The following LIMCH1 variants were observed in gnomAD, a reference collection of about 807,000 sequenced individuals.
LIMCH1 encodes LIM and calponin homology domains-containing protein 1.
A neutral mutation model predicts 176.5 loss-of-function variants in LIMCH1; 113 were observed. The observed-to-expected ratio is 0.64, with a 90% CI of 0.55 to 0.75. LIMCH1 has a LOEUF of 0.75. Ranked by LOEUF, LIMCH1 falls within the 30% of genes least tolerant of loss-of-function variation. The probability of loss-of-function intolerance (pLI) is 0.00; values close to 1 mark genes in which losing one functional copy is unlikely to be tolerated. For synonymous variants in LIMCH1, 619 were observed against 645.9 expected (o/e 0.96, Z 0.63); for missense variants, 1,674 against 1,814.9 (o/e 0.92, Z 1.41).
rs1437585234 is a variant in LIMCH1 at position 41,632,931 on chromosome 4, G to A, written c.1721-46G>A. On this transcript the variant is annotated intron_variant, in intron 11 of 31. Transcript: ENST00000503057. The stretch of plus-strand genomic sequence containing the variant: ...GAGGACAGGTGGGGTCAGAGCCTCT[G>A]GTGTGAATTCTTTCCTAGGAGTGAA... The A allele has an allele frequency of 3.3e-6, 5 of 1,528,576 alleles. No individual in the cohort carries two copies. In the African/African-American group the frequency reaches 6.9e-5, roughly 21 times the overall value. The allele number at this position is 1,528,576 out of a possible 1,614,324, so 94.7% of individuals were successfully genotyped here.
At chr4:41,464,622 C>G (rs200342338) in intron 1 of LIMCH1, among the ~76,000 whole-genome samples, 2 of 151,920 alleles carry the variant, frequency 1.3e-5, no homozygotes, top group African/African-American at 4.8e-5. Context: ...GATCTGCCCC[C>G]CTCAGCCTCC....
At position 41,631,167 on chromosome 4, in the gene LIMCH1, A is replaced by T; in HGVS notation, c.1291A>T (p.Ile431Phe). 2.6e-6 allele frequency: 4 copies of T among 1,534,370 alleles called. No homozygotes were observed. Among genetic ancestry groups the T allele is most frequent in the Non-Finnish European group, 3.5e-6 (4 of 1,146,256 alleles). Residue 431 changes from isoleucine (I) to phenylalanine (F), a missense_variant, in exon 10 of 32, where the codon ATC becomes TTC. Ile to Phe is a conservative substitution (Grantham distance 21). This residue lies in a region of LIMCH1 where 655 missense variants were observed against 692.2 expected (regional missense o/e 0.95). Transcript: ENST00000503057. The stretch of plus-strand genomic sequence containing the variant: ...GACTAGGGATGGAGATGTTCAGCAC[A>T]TCTGTGCTTCTGAGCCTTCCCCAGA... Reference protein sequence around the residue: ...EKARDGDVQHICASEPSPEIK... With the variant: ...EKARDGDVQHFCASEPSPEIK...
At position 41,697,525 on chromosome 4, in the gene LIMCH1, A is replaced by T; in HGVS notation, c.*340A>T. ...TTGGGAATTAGCTAAATGATGCAAT[A>T]AACCTGTTTTGTTTTAGAATGTCTA... On this transcript the variant is annotated 3_prime_UTR_variant, in exon 32 of 32. Transcript: ENST00000503057. The T allele has an allele frequency of 3.6e-6, 1 of 276,690 alleles. No individual in the cohort carries two copies. Among genetic ancestry groups the T allele is most frequent in the East Asian group, 6.3e-5 (1 of 15,940 alleles). The allele number at this position is 276,690 out of a possible 1,614,324, so 17.1% of individuals were successfully genotyped here. A position where few individuals can be genotyped will look rare whatever the true frequency, so the allele number is the denominator to read the frequency against.
At position 41,697,305 on chromosome 4, in the gene LIMCH1, C is replaced by T; in HGVS notation, c.*120C>T. ...GCATTTACCTAATTTCTGAAAGGCT[C>T]TTCTGAAAGGTGGTATCTGTTCTTT... On this transcript the variant is annotated 3_prime_UTR_variant, in exon 32 of 32. Coordinates refer to ENST00000503057, the MANE Select transcript of LIMCH1 (RefSeq NM_001330672.2). 2 of 831,690 alleles carry T rather than the reference C, an allele frequency of 2.4e-6. No individual in the cohort carries two copies. The highest frequency in any genetic ancestry group is 1.6e-5 in the South Asian group (1 of 64,440). 51.5% of individuals were successfully genotyped at this position (831,690 alleles called of 1,614,324 possible).
At chr4:41,663,133 T>TGGTGTGTG in intron 20 of LIMCH1, 149 bp downstream of exon 20, 3 of 571,558 alleles carry the variant, frequency 5.2e-6, no homozygotes, top group African/African-American at 2.8e-5. Flanking sequence ...TTTTTCTTTT[T>TGGTGTGTG]CGTGTGTGTG....
chr4:41,667,401 A>G (rs2094864569), intron 21 of LIMCH1, among the ~76,000 whole-genome samples: 1 of 149,138 alleles, frequency 6.7e-6, no homozygotes, highest in South Asian at 2.1e-4. Flanking sequence ...TCTCATATAT[A>G]TATGAGAAAC....
intron 1 of LIMCH1, among the ~76,000 whole-genome samples, chr4:41,546,992 A>G (rs896806736): frequency 3.3e-5 from 5 of 152,148 alleles, no homozygotes; most frequent in African/African-American, 1.2e-4. Flanking sequence ...TCTTCTTCCT[A>G]TTATCCTTTT....
At chr4:41,682,514 T>C in intron 26 of LIMCH1, 54 bp downstream of exon 26, 1 of 1,582,402 alleles carries the variant, frequency 6.3e-7, no homozygotes, top group Non-Finnish European at 8.6e-7. Flanking sequence ...GCTCTGCTCG[T>C]GCACGCTCAG....
chr4:41,680,064 AGGT>A lies in LIMCH1; in HGVS notation c.3581_3583del (p.Val1194del), dbSNP rs763493761. The stretch of plus-strand genomic sequence containing the variant: ...GAAGAGTGGGAAAAGGCCCAAAAGG[AGGT>A]GGAAGAGGAAGAACGCAGATACTAT... On this transcript the variant is annotated inframe_deletion, in exon 24 of 32. Transcript: ENST00000503057. 9 of 1,609,990 alleles carry A rather than the reference AGGT, an allele frequency of 5.6e-6. No individual in the cohort carries two copies. The South Asian group carries it at 1.0e-4, about 18-fold the overall frequency.
chr4:41,518,740 C>T (rs2075832954), intron 2 of LIMCH1, among the ~76,000 whole-genome samples: 1 of 152,096 alleles, frequency 6.6e-6, no homozygotes, highest in South Asian at 2.1e-4. Context: ...TTCTTGCCCC[C>T]CACCCCCGAT....
At chr4:41,529,388 G>A (rs898433439) in intron 3 of LIMCH1, among the ~76,000 whole-genome samples, 1 of 152,120 alleles carries the variant, frequency 6.6e-6, no homozygotes, top group Non-Finnish European at 1.5e-5. Context: ...TGATATTTGC[G>A]GATTCTGCCC....
rs372558210 is a variant in LIMCH1, at chr4:41,605,944, C to T, written c.-52C>T. On this transcript the variant is annotated 5_prime_UTR_variant, in exon 4 of 32. Coordinates refer to ENST00000503057, the MANE Select transcript of LIMCH1 (RefSeq NM_001330672.2). ...GAAAAGCAGCAAACAGCTGCACATC[C>T]TACAGCGGAACGACACTAAACCTGA... is the stretch of plus-strand genomic sequence containing the variant. The T allele has an allele frequency of 1.2e-6, 2 of 1,613,844 alleles. No individual in the cohort carries two copies. The highest frequency in any genetic ancestry group is 1.3e-5 in the African/African-American group (1 of 75,050).
At position 41,408,895 on chromosome 4, in the gene LIMCH1, G is replaced by A. The variant is rs564302036; in HGVS notation, c.96+47959G>A. Among the ~76,000 whole-genome samples the A allele has an allele frequency of 1.9e-3, 283 of 152,284 alleles. 1 individual carries two copies. The highest frequency in any genetic ancestry group is 6.5e-3 in the African/African-American group (272 of 41,560). On this transcript the variant is annotated intron_variant, in intron 1 of 26. Coordinates refer to the LIMCH1 transcript ENST00000313860. ...TTCTAGCACTTAAGTTAGTCCTGATGTTTCTCATAAATTCTAGCGATGATC... is the reference window on the plus strand; with the variant it reads ...TTCTAGCACTTAAGTTAGTCCTGATATTTCTCATAAATTCTAGCGATGATC...
At chr4:41,450,824 G>A (rs1015668052) in intron 1 of LIMCH1, among the ~76,000 whole-genome samples, 91 of 124,208 alleles carry the variant, frequency 7.3e-4, no homozygotes, top group African/African-American at 1.9e-3. Flanking sequence ...AAAAAAAAAA[G>A]TTGTAGGGGA....
chr4:41,699,076 T>A lies in LIMCH1; in HGVS notation c.*1891T>A, dbSNP rs1453225214. 1 of 152,236 alleles carries A rather than the reference T, an allele frequency of 6.6e-6. No homozygotes were observed. The highest frequency in any genetic ancestry group is 1.5e-5 in the Non-Finnish European group (1 of 68,038). The allele number at this position is 152,236 out of a possible 1,614,324, so 9.4% of individuals were successfully genotyped here. On this transcript the variant is annotated 3_prime_UTR_variant, in exon 32 of 32. Transcript: ENST00000503057. The stretch of plus-strand genomic sequence containing the variant: ...TATTTTGATTATCCACCTGCATGTT[T>A]TATTAAATATTTTGATAATGTGGAT...
At position 41,647,975 on chromosome 4, in the gene LIMCH1, G is replaced by A. The variant is rs541342403; in HGVS notation, c.2820+1082G>A. Among the ~76,000 whole-genome samples the A allele has an allele frequency of 2.1e-3, 321 of 152,278 alleles. 1 individual carries two copies. Among genetic ancestry groups the A allele is most frequent in the Non-Finnish European group, 3.2e-3 (216 of 68,026 alleles). On this transcript the variant is annotated intron_variant, in intron 17 of 31. Transcript: ENST00000503057. ...TGGCACAGGTGCCCAGGACAGAGTA[G>A]GCACTCAGCAAGTGCTCCTTAAATA...
chr4:41,410,049 G>T (rs1438966580), intron 1 of LIMCH1, among the ~76,000 whole-genome samples: 1 of 152,128 alleles, frequency 6.6e-6, no homozygotes, highest in South Asian at 2.1e-4. Flanking sequence ...TCCTGAAAAT[G>T]GGGTCATATA....
chr4:41,581,886 A>G (rs1020829125), intron 1 of LIMCH1, among the ~76,000 whole-genome samples: 10 of 151,014 alleles, frequency 6.6e-5, no homozygotes, highest in African/African-American at 2.2e-4. Flanking sequence ...AGTCTGGCCT[A>G]TTTCACTTGG....
chr4:41,438,720 T>G (rs978174093), intron 1 of LIMCH1, among the ~76,000 whole-genome samples: 1 of 152,156 alleles, frequency 6.6e-6, no homozygotes, highest in African/African-American at 2.4e-5. Flanking sequence ...TTTTGTTTTT[T>G]AAATTTCCAA....
Sources: allele counts gnomAD v4.1 joint callset (sites outside exome capture counted in the v4.1 genomes callset), GRCh38; gene constraint gnomAD v4.1.1; regional missense constraint gnomAD v4.1.1; transcripts MANE v1.5; gene names NCBI Gene and HGNC (gene_info 2026-07-23, HGNC 2026-07-21).